The following FAAH2 variants were observed in gnomAD, a reference collection of about 807,000 sequenced individuals.
FAAH2 encodes fatty acid amide hydrolase 2, also known as fatty-acid amide hydrolase 2.
A neutral mutation model predicts 36.9 loss-of-function variants in FAAH2; 60 were observed. That is an observed-to-expected ratio of 1.63 (90% CI 1.32 to 2.02). FAAH2 has a LOEUF of 2.02. Among genes scored for constraint, FAAH2 ranks in the 30% most tolerant of loss-of-function variants. FAAH2 has a pLI of 0.00. For synonymous variants in FAAH2, 214 were observed against 143.8 expected (o/e 1.49, Z -3.49); for missense variants, 689 against 397.5 (o/e 1.73, Z -6.23).
chrX:57,311,571 C>A (rs2052695402), intron 3 of FAAH2, among the ~76,000 whole-genome samples: 1 of 111,981 alleles, frequency 8.9e-6, no homozygotes, highest in Non-Finnish European at 1.9e-5. Flanking sequence ...CCATAGGCAC[C>A]AATCCCCAAG....
intron 10 of FAAH2, among the ~76,000 whole-genome samples, chrX:57,482,212 T>A (rs146780149): frequency 3.8e-3 from 421 of 111,608 alleles, no homozygotes; most frequent in African/African-American, 0.013. Flanking sequence ...AACACTAGGC[T>A]CCCTGGCTTC....
At chrX:57,310,873 A>C in intron 3 of FAAH2, 144 bp downstream of exon 3, 1 of 632,800 alleles carries the variant, frequency 1.6e-6, no homozygotes, top group South Asian at 3.9e-5. Context: ...AATATTCAGC[A>C]AGTTCCATTG....
chrX:57,428,124 G>A (rs1215357916), intron 7 of FAAH2, among the ~76,000 whole-genome samples: 1 of 111,689 alleles, frequency 9.0e-6, no homozygotes, highest in Non-Finnish European at 1.9e-5. Context: ...ACCAAATCAA[G>A]TTGTCAGTTT....
intron 5 of FAAH2, among the ~76,000 whole-genome samples, chrX:57,349,886 A>G (rs2053950994): frequency 1.8e-5 from 2 of 110,971 alleles, no homozygotes; most frequent in South Asian, 7.6e-4. Context: ...AGAGGTTTAG[A>G]CATCCAAACA....
In FAAH2 at chrX:57,436,608, AATT is replaced by A. The variant is rs761864717; in HGVS notation, c.1116+4579_1116+4581del. ...TCACAGAAATACAAACATTCTTAAA[AATT>A]ATTATTAAGAACTCTACTTCCACAA... On this transcript the variant is annotated intron_variant, in intron 8 of 10. Transcript: ENST00000374900. Among the ~76,000 whole-genome samples the A allele has an allele frequency of 9.0e-5, 10 of 111,051 alleles. No individual in the cohort carries two copies. The South Asian group carries it at 3.0e-3, about 33-fold the overall frequency.
chrX:57,352,257 C>G (rs2147106296), intron 5 of FAAH2, among the ~76,000 whole-genome samples: 1 of 102,496 alleles, frequency 9.8e-6, no homozygotes, highest in South Asian at 4.4e-4. Context: ...GTCAAATAGA[C>G]CACATACTAT....
intron 7 of FAAH2, among the ~76,000 whole-genome samples, chrX:57,396,474 CATG>C (rs995479283): frequency 9.3e-6 from 1 of 108,090 alleles, no homozygotes; most frequent in Non-Finnish European, 1.9e-5. Context: ...CATTTAATGC[CATG>C]ATTTTTCCTC....
chrX:57,289,780 T>G (rs1030807308), intron 1 of FAAH2, among the ~76,000 whole-genome samples: 13 of 110,992 alleles, frequency 1.2e-4, no homozygotes, highest in African/African-American at 4.3e-4. Flanking sequence ...TATAAGGTAC[T>G]GAACAATGAA....
chrX:57,296,788 C>A (rs1384317901), intron 2 of FAAH2, among the ~76,000 whole-genome samples: 1 of 111,640 alleles, frequency 9.0e-6, no homozygotes, highest in African/African-American at 3.3e-5. Context: ...AACCACAGCA[C>A]CAGAACTACA....
chrX:57,244,033 A>G, the FAAH2 span, among the ~76,000 whole-genome samples: 1 of 108,393 alleles, frequency 9.2e-6, no homozygotes, highest in Admixed American at 1.0e-4. Flanking sequence ...AACTAGGATA[A>G]CCAGTTTAGA....
intron 1 of FAAH2, among the ~76,000 whole-genome samples, chrX:57,289,857 G>T (rs1046991993): frequency 5.4e-5 from 6 of 110,341 alleles, no homozygotes; most frequent in Non-Finnish European, 9.5e-5. Flanking sequence ...GGGAATAAGG[G>T]AGAGAGGGAG....
the FAAH2 span, among the ~76,000 whole-genome samples, chrX:57,210,145 G>A: frequency 4.5e-5 from 5 of 110,700 alleles, no homozygotes; most frequent in East Asian, 8.5e-4. Flanking sequence ...GTACTCACCT[G>A]ATTCTTGGTT....
chrX:57,300,688 G>A (rs892957878), intron 2 of FAAH2, among the ~76,000 whole-genome samples: 1 of 111,457 alleles, frequency 9.0e-6, no homozygotes, highest in East Asian at 2.8e-4. Flanking sequence ...CAAAATGGGA[G>A]AAAATTTTTT....
chrX:57,467,074 T>C (rs1362501370), intron 10 of FAAH2, among the ~76,000 whole-genome samples: 1 of 111,304 alleles, frequency 9.0e-6, no homozygotes, highest in Non-Finnish European at 1.9e-5. Context: ...ATAATTAAGA[T>C]AGACTTTCCA....
intron 7 of FAAH2, chrX:57,392,850 T>C (rs2055199286): frequency 1.4e-6 from 1 of 713,720 alleles, no homozygotes. Flanking sequence ...CAAGTGTGTT[T>C]TGGCCATGCA....
At chrX:57,331,958 G>A in intron 4 of FAAH2, 151 bp downstream of exon 4, 2 of 530,086 alleles carry the variant, frequency 3.8e-6, no homozygotes, top group South Asian at 7.0e-5. Flanking sequence ...AGAAGAAATG[G>A]GAGTCATGTA....
chrX:57,474,161 T>G (rs903720199), intron 10 of FAAH2, among the ~76,000 whole-genome samples: 4 of 111,866 alleles, frequency 3.6e-5, no homozygotes, highest in African/African-American at 9.7e-5. Flanking sequence ...TACAATTCAT[T>G]TAAGCATTTT....
chrX:57,325,420 G>C (rs1244357838), intron 3 of FAAH2, among the ~76,000 whole-genome samples: 2 of 111,561 alleles, frequency 1.8e-5, no homozygotes, highest in South Asian at 7.6e-4. Flanking sequence ...AGTGGTACCA[G>C]CTCCTTCTTG....
chrX:57,277,476 G>A, the FAAH2 span, among the ~76,000 whole-genome samples: 1 of 111,779 alleles, frequency 8.9e-6, no homozygotes, highest in African/African-American at 3.3e-5. Flanking sequence ...CATACTGAAT[G>A]GGCAAACCTG....
Sources: gnomAD v4.1 joint callset for allele counts (sites outside exome capture counted in the v4.1 genomes callset) on GRCh38, gnomAD v4.1.1 for gene constraint, MANE v1.5 for transcripts, NCBI Gene and HGNC (gene_info 2026-07-23, HGNC 2026-07-21) for gene names.